Variants in PRDM2 observed in about 807,000 individuals in gnomAD.
The protein encoded by PRDM2 is PR/SET domain 2, also known as PR domain zinc finger protein 2.
Under a neutral mutation model 130.0 loss-of-function variants are expected in PRDM2, and 30 were observed. The observed-to-expected ratio is 0.23, with a 90% confidence interval of 0.17 to 0.31. The LOEUF is 0.31. Ranked by LOEUF, PRDM2 falls within the 10% of genes least tolerant of loss-of-function variation. The pLI is 1.00. For missense variants in PRDM2, 2,011 were observed against 2,108.4 expected, an observed-to-expected ratio of 0.95 and a Z score of 0.90; for synonymous variants, 871 against 782.4, an observed-to-expected ratio of 1.11 and a Z score of -1.89.
chr1:13,717,019 G>T (rs1046655147), intron 2 of PRDM2, among the ~76,000 whole-genome samples: 5 of 151,956 alleles, frequency 3.3e-5, no homozygotes, highest in African/African-American at 1.2e-4. Context: ...AATACATTCA[G>T]TCCTGTGCTG....
chr1:13,757,954 C>A (rs1299197382), intron 6 of PRDM2, among the ~76,000 whole-genome samples: 1 of 152,032 alleles, frequency 6.6e-6, no homozygotes, highest in Non-Finnish European at 1.5e-5. Context: ...GTCACCCTAA[C>A]CTATCCATGT....
In PRDM2 at chr1:13,787,011, CAGAG is replaced by C. The variant is rs956690717; in HGVS notation, c.5036+4185_5036+4188del. On this transcript the variant is annotated intron_variant, in intron 8 of 9. Transcript: ENST00000311066. ...GCCTTTCTTTTAAATTAATTATAGA[CAGAG>C]AGAGGCATTTAGCTGATCTCTTACC... The C allele has an allele frequency of 7.8e-5, 77 of 985,886 alleles. No individual in the cohort carries two copies. In the East Asian group the frequency reaches 1.5e-3, roughly 19 times the overall value. 61.1% of individuals were successfully genotyped at this position (985,886 alleles called of 1,614,324 possible).
intron 6 of PRDM2, among the ~76,000 whole-genome samples, chr1:13,758,545 A>G (rs116254290): frequency 0.017 from 2,558 of 152,110 alleles, 40 homozygotes; most frequent in South Asian, 0.084. Flanking sequence ...TATGCTTTCA[A>G]TTTTCAAAGG....
chr1:13,812,292 T>C (rs1321298791), intron 8 of PRDM2, among the ~76,000 whole-genome samples: 1 of 149,230 alleles, frequency 6.7e-6, no homozygotes, highest in Admixed American at 6.7e-5. Flanking sequence ...GAGGCAGAAT[T>C]AAGGGACCCG....
intron 5 of PRDM2, 148 bp from the exon 6 acceptor site, chr1:13,749,213 G>A (rs1302792197): frequency 8.7e-6 from 6 of 686,096 alleles, no homozygotes; most frequent in East Asian, 2.2e-4. Flanking sequence ...ACGGGGCCGG[G>A]AGCCCTTCCT....
chr1:13,804,502 A>G (rs1466192552), intron 8 of PRDM2, among the ~76,000 whole-genome samples: 1 of 152,154 alleles, frequency 6.6e-6, no homozygotes, highest in African/African-American at 2.4e-5. Context: ...CGGCGTCTGC[A>G]TGCAGATGCC....
intron 8 of PRDM2, among the ~76,000 whole-genome samples, chr1:13,811,047 G>T (rs904136726): frequency 2.6e-5 from 4 of 152,044 alleles, no homozygotes; most frequent in African/African-American, 9.7e-5. Flanking sequence ...AGCCGGGCAT[G>T]GTGGCAGGTG....
intron 6 of PRDM2, among the ~76,000 whole-genome samples, chr1:13,750,954 G>C (rs1293115033): frequency 1.3e-5 from 2 of 152,166 alleles, no homozygotes; most frequent in Non-Finnish European, 2.9e-5. Context: ...GGGGGCTGGA[G>C]ATGGGGAGGA....
At chr1:13,720,947 A>G (rs1297181266) in intron 2 of PRDM2, among the ~76,000 whole-genome samples, 4 of 152,234 alleles carry the variant, frequency 2.6e-5, no homozygotes, top group Non-Finnish European at 5.9e-5. Flanking sequence ...ACACCCGTGT[A>G]ACTATCACTG....
chr1:13,767,405 C>T (rs1018762434), intron 6 of PRDM2, among the ~76,000 whole-genome samples: 8 of 151,842 alleles, frequency 5.3e-5, no homozygotes, highest in Non-Finnish European at 1.2e-4. Flanking sequence ...GATCCTCCCA[C>T]CTCAGCCTCC....
intron 2 of PRDM2, among the ~76,000 whole-genome samples, chr1:13,721,679 A>G (rs1642733847): frequency 6.6e-6 from 1 of 152,200 alleles, no homozygotes; most frequent in Non-Finnish European, 1.5e-5. Flanking sequence ...AAAATTAACA[A>G]CCTGAATAGC....
Position 13,780,888 on chromosome 1 carries a change from C to T in PRDM2, c.3093C>T (p.Pro1031=). The T allele has an allele frequency of 6.2e-7, 1 of 1,613,402 alleles. No individual in the cohort carries two copies. Among genetic ancestry groups the T allele is most frequent in the Non-Finnish European group, 8.5e-7 (1 of 1,179,474 alleles). Reference sequence around the variant, plus strand: ...TGTCCCCAACAGTGTCCCCCTCTCCCTCTCCCATTCCTCCCGTGGAGCCCC... The same window carrying T: ...TGTCCCCAACAGTGTCCCCCTCTCCTTCTCCCATTCCTCCCGTGGAGCCCC... The part of the protein sequence containing the change: ...PILSPTVSPS[P]SPIPPVEPLM... The change falls in exon 8 of 10, where the codon CCC becomes CCT. Residue 1031 remains proline (P), a synonymous_variant. Coordinates refer to ENST00000311066, the MANE Select transcript of PRDM2 (RefSeq NM_001393986.1).
In PRDM2 at chr1:13,806,081, C is replaced by T. The variant is rs769084309; in HGVS notation, c.5037-10346C>T. ...ATCAAACCAAGGTTATCAGCAGCCC[C>T]CAGGATGCTCAATGCAGTGGTTGGT... On this transcript the variant is annotated intron_variant, in intron 8 of 9. Transcript: ENST00000311066. This position sits in a 1 kb window ranked among gnomAD's most constrained non-coding sequence, Gnocchi z 4.1. 1.3e-5 allele frequency among the ~76,000 whole-genome samples: 2 copies of T among 152,156 alleles called. No homozygotes were observed. The highest frequency in any genetic ancestry group is 2.9e-5 in the Non-Finnish European group (2 of 68,020).
intron 8 of PRDM2, among the ~76,000 whole-genome samples, chr1:13,794,077 G>C (rs1324563855): frequency 1.3e-5 from 2 of 152,226 alleles, no homozygotes; most frequent in Non-Finnish European, 2.9e-5. Flanking sequence ...TCCAAGTTCA[G>C]AATTTCCTGA....
At position 13,780,946 on chromosome 1, in the gene PRDM2, C is replaced by T. The variant is rs750483178; in HGVS notation, c.3151C>T (p.Leu1051Phe). 1 of 1,610,282 alleles carries T rather than the reference C, an allele frequency of 6.2e-7. No individual in the cohort carries two copies. The highest frequency in any genetic ancestry group is 1.7e-5 in the Admixed American group (1 of 60,008). ...TGCCGCCTCACCCGGGCCTCCAACACTTTCTTCTTCCTCCTCTTCATCTTC... is the reference window on the plus strand; with the variant it reads ...TGCCGCCTCACCCGGGCCTCCAACATTTTCTTCTTCCTCCTCTTCATCTTC... ...MSAASPGPPT[L>F]SSSSSSSSSS... The change falls in exon 8 of 10, where the codon CTT becomes TTT. Residue 1051 changes from leucine to phenylalanine, a missense_variant. Leu to Phe is a conservative substitution (Grantham distance 22). Coordinates refer to ENST00000311066, the MANE Select transcript of PRDM2 (RefSeq NM_001393986.1).
intron 6 of PRDM2, among the ~76,000 whole-genome samples, chr1:13,765,432 C>T (rs1644201910): frequency 6.6e-6 from 1 of 152,106 alleles, no homozygotes; most frequent in Non-Finnish European, 1.5e-5. Context: ...TCCAGTCGAC[C>T]TTCACCATCT....
intron 8 of PRDM2, 86 bp downstream of exon 8, chr1:13,782,917 T>TG (rs2100678407): frequency 1.4e-6 from 2 of 1,470,938 alleles, no homozygotes; most frequent in East Asian, 4.7e-5. Context: ...TTGTTGCTTT[T>TG]TTTTTTTTTT....
At position 13,749,459 on chromosome 1, in the gene PRDM2, C is replaced by T; in HGVS notation, c.483C>T (p.Ser161=). Residue 161 remains serine, a synonymous_variant, in exon 6 of 10, where the codon AGC becomes AGT. Coordinates refer to ENST00000311066, the MANE Select transcript of PRDM2 (RefSeq NM_001393986.1). ...AIEEERASAR[S]KRSSPKSRKG... ...AGGAAGAGCGAGCCAGCGCCCGGAG[C>T]AAGCGGAGCTCCCCCAAGAGCCGGA... 1 of 1,499,730 alleles carries T rather than the reference C, an allele frequency of 6.7e-7. No homozygotes were observed. The highest frequency in any genetic ancestry group is 9.0e-7 in the Non-Finnish European group (1 of 1,111,614). 92.9% of individuals were successfully genotyped at this position (1,499,730 alleles called of 1,614,324 possible).
At position 13,780,716 on chromosome 1, in the gene PRDM2, C is replaced by A; in HGVS notation, c.2921C>A (p.Pro974Gln). Residue 974 changes from proline to glutamine, a missense_variant, in exon 8 of 10, where the codon CCA (proline) becomes CAA (glutamine). Pro to Gln is a moderately conservative substitution (Grantham distance 76). This residue lies in a region of PRDM2 where 1,288 missense variants were observed against 1,237.7 expected (regional missense o/e 1.04). Transcript: ENST00000311066. The part of the protein sequence containing the change: ...LLIPTDPSSP[P>Q]PCPPVLTVAT... Reference sequence around the variant, plus strand: ...ATCCCCACAGATCCCTCTTCCCCTCCACCCTGTCCCCCGGTATTAACTGTT... The same window carrying A: ...ATCCCCACAGATCCCTCTTCCCCTCAACCCTGTCCCCCGGTATTAACTGTT... 1 of 1,599,824 alleles carries A rather than the reference C, an allele frequency of 6.3e-7. No individual in the cohort carries two copies. Among genetic ancestry groups the A allele is most frequent in the Non-Finnish European group, 8.5e-7 (1 of 1,171,468 alleles).
Sources: gnomAD v4.1 joint callset for allele counts (sites outside exome capture counted in the v4.1 genomes callset) on GRCh38, gnomAD v4.1.1 for gene constraint, gnomAD v4.1.1 regional missense constraint, Gnocchi (gnomAD v3.1) non-coding constraint, MANE v1.5 for transcripts, NCBI Gene and HGNC (gene_info 2026-07-23, HGNC 2026-07-21) for gene names.